BAZ2A: variants seen among roughly 807,000 people sequenced by gnomAD.
BAZ2A encodes bromodomain adjacent to zinc finger domain 2A, also known as bromodomain adjacent to zinc finger domain protein 2A.
BAZ2A carries 34 observed loss-of-function variants against 199.9 expected under a neutral mutation model. That is an observed-to-expected ratio of 0.17 (90% CI 0.13 to 0.23). BAZ2A has a LOEUF of 0.23. BAZ2A is among the 10% of genes least tolerant of loss of function. The probability of loss-of-function intolerance (pLI) is 1.00; values close to 1 mark genes in which losing one functional copy is unlikely to be tolerated. For missense variants in BAZ2A, 2,002 were observed against 2,391.1 expected (o/e 0.84, Z 3.39); for synonymous variants, 857 against 883.9 (o/e 0.97, Z 0.54).
chr12:56,618,862 C>T (rs1950812639), intron 1 of BAZ2A, among the ~76,000 whole-genome samples: 1 of 151,564 alleles, frequency 6.6e-6, no homozygotes, highest in South Asian at 2.1e-4. Flanking sequence ...AAGAGTGAAA[C>T]TCCATCTCAA....
At chr12:56,602,250 G>A (rs1393196400) in intron 19 of BAZ2A, 58 bp from the exon 20 acceptor site, 5 of 1,416,142 alleles carry the variant, frequency 3.5e-6, no homozygotes, top group East Asian at 5.0e-5. Flanking sequence ...AAAGTAAGAG[G>A]GTATATAAAC....
intron 1 of BAZ2A, among the ~76,000 whole-genome samples, chr12:56,621,698 T>TTTC (rs1190126780): frequency 6.6e-6 from 1 of 151,908 alleles, no homozygotes; most frequent in Non-Finnish European, 1.5e-5. Context: ...GTTTTTTTTT[T>TTTC]TTCTTCTTGA....
intron 1 of BAZ2A, among the ~76,000 whole-genome samples, chr12:56,627,696 C>T (rs967520994): frequency 2.0e-5 from 3 of 150,752 alleles, no homozygotes; most frequent in African/African-American, 4.9e-5. Flanking sequence ...TGTGGTGGTG[C>T]GTGTCTGTGG....
exon 1 of BAZ2A, chr12:56,636,324 T>G: frequency 6.9e-7 from 1 of 1,459,308 alleles, no homozygotes; most frequent in Non-Finnish European, 9.1e-7. Context: ...AGTGTATGCT[T>G]CCTGCGAACC....
intron 1 of BAZ2A, among the ~76,000 whole-genome samples, chr12:56,621,700 T>C (rs899720717): frequency 6.6e-6 from 1 of 151,720 alleles, no homozygotes; most frequent in Non-Finnish European, 1.5e-5. Flanking sequence ...TTTTTTTTTT[T>C]CTTCTTGAGA....
At chr12:56,614,529 A>T (rs1350017335) in intron 3 of BAZ2A, among the ~76,000 whole-genome samples, 1 of 152,156 alleles carries the variant, frequency 6.6e-6, no homozygotes, top group Non-Finnish European at 1.5e-5. Flanking sequence ...ACGTGTACTA[A>T]TGCTAAACAA....
At chr12:56,618,903 C>T (rs777906006) in intron 1 of BAZ2A, among the ~76,000 whole-genome samples, 1 of 151,786 alleles carries the variant, frequency 6.6e-6, no homozygotes, top group Non-Finnish European at 1.5e-5. Context: ...TGGTTAAGTA[C>T]ATATATGATG....
rs1386376624 is a variant in BAZ2A, at chr12:56,600,189, G to A, written c.4892+12C>T. On this transcript the variant is annotated intron_variant, in intron 24 of 28. Coordinates refer to ENST00000549884, the MANE Select transcript of BAZ2A (RefSeq NM_001300905.2). ...TCTCCAAGACCAAGAATGGAGGGTGGGAGTCACTCACATCTCTGTAGTGGT... is the reference window on the plus strand; with the variant it reads ...TCTCCAAGACCAAGAATGGAGGGTGAGAGTCACTCACATCTCTGTAGTGGT... 5.6e-6 allele frequency: 9 copies of A among 1,612,404 alleles called. No homozygotes were observed. Among genetic ancestry groups the A allele is most frequent in the Non-Finnish European group, 6.8e-6 (8 of 1,178,646 alleles).
chr12:56,630,394 A>G (rs1165878447), upstream of BAZ2A: 2 of 527,226 alleles, frequency 3.8e-6, no homozygotes, highest in Non-Finnish European at 4.9e-6. Flanking sequence ...CCTCCGCCAC[A>G]GGGTCCTAAA....
At chr12:56,632,128 C>T (rs945023156), upstream of BAZ2A, among the ~76,000 whole-genome samples, 2 of 152,144 alleles carry the variant, frequency 1.3e-5, no homozygotes, top group African/African-American at 4.8e-5. Flanking sequence ...AAAAAAAATA[C>T]TCCTCCAACA....
rs1359757817 is a variant in BAZ2A, at chr12:56,612,057, G to A, written c.1325C>T (p.Ala442Val). 1.2e-6 allele frequency: 2 copies of A among 1,613,838 alleles called. No individual in the cohort carries two copies. Among genetic ancestry groups the A allele is most frequent in the Non-Finnish European group, 8.5e-7 (1 of 1,179,848 alleles). ...SPAVSLVVSP[A>V]ASPEISPEVC... ...TTCTGGAGAGATTTCTGGGGAGGCT[G>A]CTGGAGAAACCACTAGGGAGACTGC... The change falls in exon 6 of 29, where the codon GCA becomes GTA. Residue 442 changes from alanine (A) to valine (V), a missense_variant. Ala to Val is a moderately conservative substitution (Grantham distance 64). Coordinates refer to ENST00000549884, the MANE Select transcript of BAZ2A (RefSeq NM_001300905.2).
At chr12:56,617,601 C>T (rs780543694) in intron 1 of BAZ2A, 69 bp from the exon 2 acceptor site, 7 of 1,492,278 alleles carry the variant, frequency 4.7e-6, no homozygotes, top group Non-Finnish European at 6.3e-6. Flanking sequence ...CTGGAATCTT[C>T]CAGGGGCAAT....
At position 56,601,717 on chromosome 12, in the gene BAZ2A, T is replaced by G; in HGVS notation, c.3900A>C (p.Ser1300=). 3.1e-6 allele frequency: 5 copies of G among 1,613,932 alleles called. No individual in the cohort carries two copies. Among genetic ancestry groups the G allele is most frequent in the Non-Finnish European group, 4.2e-6 (5 of 1,179,874 alleles). ...SSPGKLDPAP[S]QPPEEPEPDE... ...CAGGCTCTGGCTCCTCCGGGGGTTG[T>G]GATGGAGCTGGGTCTAGTTTTCCCG... Residue 1300 remains serine (S), a synonymous_variant, in exon 20 of 29, where the codon TCA becomes TCC. Transcript: ENST00000549884.
rs966039433 is a variant in BAZ2A at position 56,599,238 on chromosome 12, C to G, written c.5293G>C (p.Gly1765Arg). Reference sequence around the variant, plus strand: ...GGCCCTGCTGCTGGGCTTTCTCGGCCCCTCAACAGTACCCGGCGTCGGCGG... The same window carrying G: ...GGCCCTGCTGCTGGGCTTTCTCGGCGCCTCAACAGTACCCGGCGTCGGCGG... ...DGRRRRVLLR[G>R]RESPAAGPRY... Residue 1765 changes from glycine (G) to arginine (R), a missense_variant, in exon 27 of 29, where the codon GGC becomes CGC. By Grantham distance (125) the Gly-to-Arg change is moderately radical (BLOSUM62 -2). Transcript: ENST00000549884. 1.2e-6 allele frequency: 2 copies of G among 1,613,190 alleles called. No homozygotes were observed. Among genetic ancestry groups the G allele is most frequent in the Non-Finnish European group, 1.7e-6 (2 of 1,179,740 alleles).
upstream of BAZ2A, among the ~76,000 whole-genome samples, chr12:56,630,509 C>T (rs12231764): frequency 6.6e-6 from 1 of 152,256 alleles, no homozygotes; most frequent in Admixed American, 6.5e-5. Context: ...GCACCCGCAT[C>T]TCATGGAGGC....
Position 56,610,121 on chromosome 12 carries a change from G to T in BAZ2A, c.1874C>A (p.Thr625Lys). 1 of 1,613,840 alleles carries T rather than the reference G, an allele frequency of 6.2e-7. No individual in the cohort carries two copies. Among genetic ancestry groups the T allele is most frequent in the Non-Finnish European group, 8.5e-7 (1 of 1,179,818 alleles). ...TAACCCTTGGGTCTGCACCTCTGGC[G>T]TGTCTCTTTCTTCAAAGAAATCTCC... Reference protein sequence around the residue: ...PVGDFFEERDTPEGLQWVQLS... With the variant: ...PVGDFFEERDKPEGLQWVQLS... The change falls in exon 9 of 29, where the codon ACG becomes AAG. Residue 625 changes from threonine (T) to lysine (K), a missense_variant. Transcript: ENST00000549884.
At chr12:56,623,470 G>T (rs1478175991) in intron 1 of BAZ2A, among the ~76,000 whole-genome samples, 1 of 152,070 alleles carries the variant, frequency 6.6e-6, no homozygotes, top group East Asian at 1.9e-4. Flanking sequence ...GGGGTTGGGG[G>T]GTGAGAGAGA....
chr12:56,613,330 T>C, intron 4 of BAZ2A, 97 bp from the exon 5 acceptor site: 4 of 1,202,714 alleles, frequency 3.3e-6, no homozygotes, highest in Non-Finnish European at 2.4e-6. Flanking sequence ...CAATTCTAGT[T>C]CCCACAATGT....
At position 56,604,225 on chromosome 12, in the gene BAZ2A, C is replaced by A; in HGVS notation, c.3030G>T (p.Arg1010=). 6.2e-7 allele frequency: 1 copy of A among 1,605,710 alleles called. No individual in the cohort carries two copies. The highest frequency in any genetic ancestry group is 1.7e-4 in the Middle Eastern group (1 of 6,052). The change falls in exon 16 of 29, where the codon CGG becomes CGT. Residue 1010 remains arginine, a synonymous_variant. Coordinates refer to ENST00000549884, the MANE Select transcript of BAZ2A (RefSeq NM_001300905.2). Reference sequence around the variant, plus strand: ...CTCTGTCTGGTCCCTACCTCCGGAGCCGGCCTTCAACAATCCACTTGTTTT... The same window carrying A: ...CTCTGTCTGGTCCCTACCTCCGGAGACGGCCTTCAACAATCCACTTGTTTT... ...YRKNKWIVEG[R]LRRLKTVLAK...
Sources: allele counts gnomAD v4.1 joint callset (sites outside exome capture counted in the v4.1 genomes callset), GRCh38; gene constraint gnomAD v4.1.1; transcripts MANE v1.5; gene names NCBI Gene and HGNC (gene_info 2026-07-23, HGNC 2026-07-21).